The following USP34 variants were observed in gnomAD, a reference collection of about 807,000 sequenced individuals.
USP34 encodes ubiquitin specific peptidase 34.
Under a neutral mutation model 460.3 loss-of-function variants are expected in USP34, and 70 were observed. The ratio of observed to expected loss-of-function variants is 0.15; its 90% CI spans 0.13 to 0.19. The LOEUF is 0.19. Among genes scored for constraint, USP34 ranks in the 10% least tolerant of loss-of-function variants. USP34 has a pLI of 1.00. For synonymous variants in USP34, 1,647 were observed against 1,405.3 expected (o/e 1.17, Z -3.85); for missense variants, 3,985 against 4,236.2 (o/e 0.94, Z 1.65).
intron 16 of USP34, among the ~76,000 whole-genome samples, chr2:61,341,755 CTTTTTTTTTTTT>C (rs896288474): frequency 1.1e-5 from 1 of 91,730 alleles, no homozygotes; most frequent in Non-Finnish European, 2.1e-5. Flanking sequence ...TCAGGTCTTT[CTTTTTTTTTTTT>C]TTTTTTTTTT....
intron 34 of USP34, among the ~76,000 whole-genome samples, chr2:61,285,658 GA>G (rs1361566131): frequency 2.6e-5 from 4 of 152,016 alleles, no homozygotes; most frequent in Non-Finnish European, 2.9e-5. Flanking sequence ...AGGGGTTGGT[GA>G]ATAATTAAAC....
chr2:61,251,058 G>A (rs1688566497), intron 48 of USP34, among the ~76,000 whole-genome samples: 3 of 152,134 alleles, frequency 2.0e-5, no homozygotes, highest in South Asian at 2.1e-4. Context: ...GAATGGCGTG[G>A]ACCCGGGAGG....
At chr2:61,450,674 A>T (rs1695244706) in intron 1 of USP34, among the ~76,000 whole-genome samples, 1 of 152,172 alleles carries the variant, frequency 6.6e-6, no homozygotes, top group South Asian at 2.1e-4. Flanking sequence ...TGGGAACAAC[A>T]AACAAAAATA....
chr2:61,453,892 A>G (rs1695355835), intron 1 of USP34, among the ~76,000 whole-genome samples: 1 of 151,880 alleles, frequency 6.6e-6, no homozygotes, highest in East Asian at 1.9e-4. Flanking sequence ...CTGCCATTAA[A>G]TTCTGTTCTC....
intron 3 of USP34, among the ~76,000 whole-genome samples, chr2:61,404,268 A>T (rs995349872): frequency 6.6e-6 from 1 of 152,136 alleles, no homozygotes; most frequent in African/African-American, 2.4e-5. Flanking sequence ...AGAGACAGAT[A>T]AAAAACAAAC....
chr2:61,279,488 G>A (rs1477748174), intron 39 of USP34, among the ~76,000 whole-genome samples: 2 of 151,704 alleles, frequency 1.3e-5, no homozygotes, highest in African/African-American at 2.4e-5. Context: ...TTTTTGAGAC[G>A]GAGTTTCACT....
At chr2:61,277,840 G>A (rs1433995976) in intron 41 of USP34, 4 of 237,166 alleles carry the variant, frequency 1.7e-5, no homozygotes, top group African/African-American at 9.1e-5. Flanking sequence ...CCCCCATACT[G>A]TTCTTGTGAT....
At chr2:61,229,051 GA>G in intron 59 of USP34, 56 bp from the exon 60 acceptor site, 1 of 1,320,480 alleles carries the variant, frequency 7.6e-7, no homozygotes, top group South Asian at 2.2e-5. Context: ...AATACTGTTC[GA>G]GAGAAAAAGT....
Position 61,455,585 on chromosome 2 carries a change from C to G in USP34, c.43+15065G>C, listed in dbSNP as rs148768774. Among the ~76,000 whole-genome samples, 26 of 152,234 alleles carry G rather than the reference C, an allele frequency of 1.7e-4. No homozygotes were observed. In the Middle Eastern group the frequency reaches 0.014, roughly 80 times the overall value. On this transcript the variant is annotated intron_variant, in intron 1 of 79. Transcript: ENST00000398571. ...CCTGGAAGTTCAAGACCAGCCCAGGCAGCATACCAAGACCCCCATCTCAAA... is the reference window on the plus strand; with the variant it reads ...CCTGGAAGTTCAAGACCAGCCCAGGGAGCATACCAAGACCCCCATCTCAAA...
intron 21 of USP34, among the ~76,000 whole-genome samples, chr2:61,320,336 C>T (rs534849670): frequency 1.8e-4 from 27 of 152,288 alleles, no homozygotes; most frequent in African/African-American, 6.3e-4. Flanking sequence ...CCCTCATACA[C>T]ACACCCATAC....
chr2:61,431,135 TA>T (rs1303134143), intron 1 of USP34, among the ~76,000 whole-genome samples: 2 of 152,162 alleles, frequency 1.3e-5, no homozygotes, highest in African/African-American at 4.8e-5. Flanking sequence ...AACAGAGAAT[TA>T]TACCTAGCCA....
chr2:61,248,459 G>T, intron 49 of USP34, 52 bp downstream of exon 49: 1 of 1,486,358 alleles, frequency 6.7e-7, no homozygotes, highest in Non-Finnish European at 9.0e-7. Context: ...TGCCTACCTT[G>T]TTATGGAGAT....
intron 41 of USP34, among the ~76,000 whole-genome samples, chr2:61,275,232 T>C (rs1358605004): frequency 6.6e-6 from 1 of 152,102 alleles, no homozygotes; most frequent in Admixed American, 6.6e-5. Context: ...TGAGCTGAGA[T>C]CATGCCACTG....
chr2:61,417,971 A>T (rs1200173754), intron 2 of USP34, among the ~76,000 whole-genome samples: 2 of 150,078 alleles, frequency 1.3e-5, no homozygotes, highest in Non-Finnish European at 3.0e-5. Flanking sequence ...AAACTCCTGA[A>T]CTCAAGTGAT....
intron 20 of USP34, among the ~76,000 whole-genome samples, chr2:61,330,414 T>C (rs1691225306): frequency 6.6e-6 from 1 of 152,196 alleles, no homozygotes; most frequent in Non-Finnish European, 1.5e-5. Context: ...AAGGACACAG[T>C]AAAAATAAAA....
intron 48 of USP34, chr2:61,250,378 T>A (rs1451800836): frequency 6.1e-6 from 1 of 165,254 alleles, no homozygotes; most frequent in African/African-American, 2.4e-5. Context: ...TTGCTGTACA[T>A]TAACGCATAT....
chr2:61,423,154 CCCAGG>C (rs1253917995), intron 1 of USP34, among the ~76,000 whole-genome samples: 1 of 152,156 alleles, frequency 6.6e-6, no homozygotes, highest in African/African-American at 2.4e-5. Flanking sequence ...CACTCTTTTG[CCCAGG>C]CTGGAGTGCA....
intron 34 of USP34, among the ~76,000 whole-genome samples, chr2:61,285,182 C>T (rs1271526695): frequency 6.6e-5 from 10 of 152,012 alleles, no homozygotes; most frequent in African/African-American, 2.4e-4. Flanking sequence ...TATAATCACA[C>T]TTAAGAGCAG....
Position 61,188,470 on chromosome 2 carries a change from C to T in USP34, c.10273G>A (p.Glu3425Lys). 8 of 1,614,214 alleles carry T rather than the reference C, an allele frequency of 5.0e-6. No homozygotes were observed. Among genetic ancestry groups the T allele is most frequent in the Non-Finnish European group, 6.8e-6 (8 of 1,180,028 alleles). Reference sequence around the variant, plus strand: ...TGTGACCTGATATTTGACATGTCTTCTGAAAACGAAGATGGAACTTCCATT... The same window carrying T: ...TGTGACCTGATATTTGACATGTCTTTTGAAAACGAAGATGGAACTTCCATT... ...YRMEVPSSFS[E>K]DMSNIRSQHA... The change falls in exon 80 of 80, where the codon GAA becomes AAA. Residue 3425 changes from glutamate to lysine, a missense_variant. Glu to Lys is a moderately conservative substitution (Grantham distance 56). Coordinates refer to ENST00000398571, the MANE Select transcript of USP34 (RefSeq NM_014709.4).
Sources: allele counts gnomAD v4.1 joint callset (sites outside exome capture counted in the v4.1 genomes callset), GRCh38; gene constraint gnomAD v4.1.1; transcripts MANE v1.5; gene names NCBI Gene and HGNC (gene_info 2026-07-23, HGNC 2026-07-21).